MYO1H: variants seen among roughly 807,000 people sequenced by gnomAD.
MYO1H encodes unconventional myosin-Ih.
Under a neutral mutation model 149.3 loss-of-function variants are expected in MYO1H, and 118 were observed. The observed-to-expected ratio is 0.79, with a 90% CI of 0.68 to 0.92. MYO1H has a LOEUF of 0.92. MYO1H is among the 40% of genes least tolerant of loss of function. The pLI is 0.00. For missense variants in MYO1H, 1,212 were observed against 1,280.7 expected (o/e 0.95, Z 0.82); for synonymous variants, 447 against 465.2 (o/e 0.96, Z 0.50).
At chr12:109,422,713 T>C (rs1175932633) in intron 16 of MYO1H, among the ~76,000 whole-genome samples, 4 of 152,102 alleles carry the variant, frequency 2.6e-5, no homozygotes, top group Admixed American at 2.6e-4. Flanking sequence ...TATTGGCAGA[T>C]TACTCTTCCA....
At chr12:109,368,709 C>T (rs1868920382) in intron 1 of MYO1H, among the ~76,000 whole-genome samples, 1 of 147,438 alleles carries the variant, frequency 6.8e-6, no homozygotes, top group African/African-American at 2.6e-5. Context: ...GGGGTTTTTC[C>T]AACTTTTATT....
intron 19 of MYO1H, among the ~76,000 whole-genome samples, chr12:109,428,275 ACCGTAGG>A (rs1871463999): frequency 6.6e-6 from 1 of 151,952 alleles, no homozygotes; most frequent in African/African-American, 2.4e-5. Context: ...TCCATTTGTG[ACCGTAGG>A]GCCTGGTTTA....
At chr12:109,317,797 G>C in the MYO1H span, among the ~76,000 whole-genome samples, 2 of 152,166 alleles carry the variant, frequency 1.3e-5, no homozygotes, top group Non-Finnish European at 2.9e-5. Context: ...TCTCTATTGG[G>C]CCAAGTAATT....
intron 31 of MYO1H, 99 bp from the exon 32 acceptor site, chr12:109,447,060 C>T (rs976341343): frequency 7.9e-7 from 1 of 1,269,078 alleles, no homozygotes; most frequent in Non-Finnish European, 1.1e-6. Flanking sequence ...AGGCCCTCCA[C>T]ACCCACCTTG....
the MYO1H span, among the ~76,000 whole-genome samples, chr12:109,311,844 T>C: frequency 2.6e-5 from 4 of 152,250 alleles, no homozygotes; most frequent in African/African-American, 4.8e-5. Flanking sequence ...CCTCCGATTA[T>C]ACAAGAAATC....
intron 17 of MYO1H, among the ~76,000 whole-genome samples, chr12:109,425,031 A>G (rs1161327821): frequency 6.6e-6 from 1 of 152,148 alleles, no homozygotes; most frequent in Middle Eastern, 3.2e-3. Context: ...GCACTTTGGG[A>G]GGCCCAGGTG....
At chr12:109,445,489 A>G (rs1375813564) in intron 30 of MYO1H, 24 bp from the exon 31 acceptor site, 7 of 1,541,186 alleles carry the variant, frequency 4.5e-6, no homozygotes, top group Non-Finnish European at 6.3e-6. Context: ...TATGTCAGTA[A>G]TGTGTCACTT....
chr12:109,386,181 G>A (rs769677842), intron 1 of MYO1H, among the ~76,000 whole-genome samples: 3 of 152,122 alleles, frequency 2.0e-5, no homozygotes, highest in East Asian at 1.9e-4. Flanking sequence ...ATGCTCTTGC[G>A]TGTACCCGTT....
chr12:109,435,604 G>A (rs1871826458), intron 21 of MYO1H, among the ~76,000 whole-genome samples: 1 of 152,192 alleles, frequency 6.6e-6, no homozygotes, highest in Non-Finnish European at 1.5e-5. Context: ...CAAGAACTAC[G>A]CTTGAGTCAT....
chr12:109,436,458 A>G (rs1200698224), intron 21 of MYO1H, 30 bp from the exon 22 acceptor site: 2 of 1,571,498 alleles, frequency 1.3e-6, no homozygotes, highest in Admixed American at 1.7e-5. Context: ...ATGCAAAGCC[A>G]TTTCACCAAA....
At chr12:109,316,065 C>A in the MYO1H span, among the ~76,000 whole-genome samples, 1 of 142,304 alleles carries the variant, frequency 7.0e-6, no homozygotes, top group African/African-American at 2.6e-5. Flanking sequence ...AGAATAATAT[C>A]TTTTATGGAA....
At chr12:109,389,411 G>A (rs1025459817) in intron 2 of MYO1H, among the ~76,000 whole-genome samples, 1 of 152,132 alleles carries the variant, frequency 6.6e-6, no homozygotes, top group Non-Finnish European at 1.5e-5. Flanking sequence ...TGCCCCTGAA[G>A]GTGAGGGGTG....
chr12:109,404,443 C>A (rs149376147), intron 7 of MYO1H, among the ~76,000 whole-genome samples: 5,025 of 152,310 alleles, frequency 0.033, 118 homozygotes, highest in Middle Eastern at 0.065. Flanking sequence ...GATTGTGCCA[C>A]TGCACTCCAG....
chr12:109,439,498 T>TCCA (rs1872019139), intron 23 of MYO1H, 133 bp from the exon 24 acceptor site: 8 of 676,040 alleles, frequency 1.2e-5, no homozygotes, highest in Non-Finnish European at 1.7e-5. Flanking sequence ...GGGGCAGATT[T>TCCA]GGCCTCTGGC....
At chr12:109,400,409 C>T (rs1870114156) in intron 5 of MYO1H, among the ~76,000 whole-genome samples, 1 of 152,122 alleles carries the variant, frequency 6.6e-6, no homozygotes, top group Non-Finnish European at 1.5e-5. Flanking sequence ...TGGTTTTTCA[C>T]TGTGATTTAA....
intron 2 of MYO1H, among the ~76,000 whole-genome samples, chr12:109,389,467 T>C (rs1869540743): frequency 6.6e-6 from 1 of 151,718 alleles, no homozygotes. Context: ...GGGAAGAGGG[T>C]TCCCCAAAGG....
rs575948232 is a variant in MYO1H, at chr12:109,424,774, C to T, written c.1671C>T (p.Ile557=). ...TGCTGTGCAAGTCCAAGAACATTAT[C>T]CTGAGGGAATGCTTCCTGCTGGCCG... Residue 557 remains isoleucine, a synonymous_variant, in exon 17 of 32, where the codon ATC becomes ATT. Coordinates refer to ENST00000310903, the Ensembl canonical transcript of MYO1H. The T allele has an allele frequency of 4.3e-6, 7 of 1,613,906 alleles. No individual in the cohort carries two copies. In the South Asian group the frequency reaches 6.6e-5, roughly 15 times the overall value.
At chr12:109,409,225 T>TCCTTC (rs1870538108) in intron 10 of MYO1H, among the ~76,000 whole-genome samples, 2 of 105,094 alleles carry the variant, frequency 1.9e-5, no homozygotes, top group African/African-American at 8.1e-5. Flanking sequence ...CCTTCTTCTT[T>TCCTTC]TTCTTCTTCT....
intron 16 of MYO1H, among the ~76,000 whole-genome samples, chr12:109,422,165 A>C (rs1413864017): frequency 6.6e-6 from 1 of 152,184 alleles, no homozygotes; most frequent in Non-Finnish European, 1.5e-5. Context: ...AAAATAGTTA[A>C]CTGTTTTGTG....
Sources: allele counts gnomAD v4.1 joint callset (sites outside exome capture counted in the v4.1 genomes callset), GRCh38; gene constraint gnomAD v4.1.1; transcripts MANE v1.5; gene names NCBI Gene and HGNC (gene_info 2026-07-23, HGNC 2026-07-21).